The following EBPL variants were observed in gnomAD, a reference collection of about 807,000 sequenced individuals.
EBPL encodes emopamil-binding protein-like.
A neutral mutation model predicts 19.0 loss-of-function variants in EBPL; 20 were observed. The ratio of observed to expected loss-of-function variants is 1.05; its 90% CI spans 0.74 to 1.53. EBPL has a LOEUF of 1.53. Ranked by LOEUF, EBPL falls within the 40% of genes most tolerant of loss-of-function variation. The pLI, the probability that EBPL is intolerant of heterozygous loss-of-function variation, is 0.00. For synonymous variants in EBPL, 107 were observed against 117.0 expected (o/e 0.91, Z 0.55); for missense variants, 219 against 261.1 (o/e 0.84, Z 1.11).
At chr13:49,665,683 G>A (rs1965215636) in intron 2 of EBPL, among the ~76,000 whole-genome samples, 1 of 151,688 alleles carries the variant, frequency 6.6e-6, no homozygotes, top group South Asian at 2.1e-4. Context: ...GGGATTACAG[G>A]CGTGGGCCAC....
chr13:49,675,435 T>A lies in EBPL; in HGVS notation c.172-5589A>T, dbSNP rs1170945443. Among the ~76,000 whole-genome samples the A allele has an allele frequency of 2.0e-5, 3 of 152,266 alleles. No homozygotes were observed. The East Asian group carries it at 5.8e-4, about 29-fold the overall frequency. On this transcript the variant is annotated intron_variant, in intron 1 of 3. Coordinates refer to ENST00000242827, the MANE Select transcript of EBPL (RefSeq NM_032565.5). Reference sequence around the variant, plus strand: ...TATTGACTGAAATGTCCTTATGCAGTGATGACTGTATTTGTCCTTTCATGT... The same window carrying A: ...TATTGACTGAAATGTCCTTATGCAGAGATGACTGTATTTGTCCTTTCATGT...
intron 1 of EBPL, among the ~76,000 whole-genome samples, chr13:49,678,046 G>GT (rs879789605): frequency 3.2e-4 from 49 of 152,304 alleles, no homozygotes; most frequent in South Asian, 1.0e-3. Flanking sequence ...GGTTGCCGGG[G>GT]CTGGCTTGGG....
At chr13:49,691,168 A>C in intron 1 of EBPL, 86 bp downstream of exon 1, 2 of 1,173,368 alleles carry the variant, frequency 1.7e-6, no homozygotes, top group Non-Finnish European at 2.1e-6. Flanking sequence ...CGCTGCAAAA[A>C]GCCGCAGGAC....
At chr13:49,688,001 A>G (rs1247625663) in intron 1 of EBPL, among the ~76,000 whole-genome samples, 3 of 152,196 alleles carry the variant, frequency 2.0e-5, no homozygotes, top group Admixed American at 6.5e-5. Flanking sequence ...CTTCTTATGT[A>G]AACCCTGTGC....
At chr13:49,669,655 C>T (rs1219320039) in intron 2 of EBPL, 122 bp downstream of exon 2, 11 of 846,266 alleles carry the variant, frequency 1.3e-5, no homozygotes, top group Non-Finnish European at 2.1e-5. Context: ...TCTCTACAGA[C>T]TCACCTATTC....
chr13:49,667,137 C>G (rs1209016807), intron 2 of EBPL, among the ~76,000 whole-genome samples: 1 of 152,118 alleles, frequency 6.6e-6, no homozygotes, highest in Admixed American at 6.5e-5. Flanking sequence ...ATCCACCAGT[C>G]CCAGCGCATC....
chr13:49,661,758 A>C (rs1307875227), intron 3 of EBPL: 1 of 1,486,018 alleles, frequency 6.7e-7, no homozygotes. Flanking sequence ...CCAAGGAAAA[A>C]TTTAATTTTT....
chr13:49,661,492 A>T (rs1310031114), intron 3 of EBPL, among the ~76,000 whole-genome samples: 2 of 152,176 alleles, frequency 1.3e-5, no homozygotes, highest in Non-Finnish European at 2.9e-5. Context: ...AAATTTGGTG[A>T]GATCACACCT....
chr13:49,668,348 C>T (rs996160763), intron 2 of EBPL: 7 of 219,580 alleles, frequency 3.2e-5, no homozygotes, highest in Non-Finnish European at 5.6e-5. Context: ...CCGAGGTGGG[C>T]AGATCACGAG....
chr13:49,666,729 A>C lies in EBPL; in HGVS notation c.241+3048T>G, dbSNP rs1478647255. ...TCCGTCTCAAAAAAAAAAAAAAAAA[A>C]AAAAACAAAAATTAGCTGGGCGTGG... is the stretch of plus-strand genomic sequence containing the variant. On this transcript the variant is annotated intron_variant, in intron 2 of 3. Transcript: ENST00000242827. Among the ~76,000 whole-genome samples the C allele has an allele frequency of 1.0e-3, 153 of 150,572 alleles. 1 individual carries two copies. The highest frequency in any genetic ancestry group is 3.4e-3 in the Middle Eastern group (1 of 292).
At chr13:49,683,763 G>T (rs1953968519) in intron 1 of EBPL, among the ~76,000 whole-genome samples, 1 of 152,152 alleles carries the variant, frequency 6.6e-6, no homozygotes, top group Non-Finnish European at 1.5e-5. Flanking sequence ...TAGTGGGAAT[G>T]CACAACAGTA....
Position 49,691,413 on chromosome 13 carries a change from C to G in EBPL, c.12G>C (p.Glu4Asp). Residue 4 changes from glutamate to aspartate, a missense_variant, in exon 1 of 4, where the codon GAG becomes GAC. This residue lies in a region of EBPL where 170 missense variants were observed against 167.0 expected (regional missense o/e 1.02). Coordinates refer to ENST00000242827, the MANE Select transcript of EBPL (RefSeq NM_032565.5). MGAEWELGAEAGGS... is the reference protein window; with the variant it reads MGADWELGAEAGGS... ...CGCCAGCCTCGGCCCCCAGCTCCCACTCAGCGCCCATGCTTCAGGCTTCCG... is the reference window on the plus strand; with the variant it reads ...CGCCAGCCTCGGCCCCCAGCTCCCAGTCAGCGCCCATGCTTCAGGCTTCCG... 1 of 1,345,806 alleles carries G rather than the reference C, an allele frequency of 7.4e-7. No homozygotes were observed. Among genetic ancestry groups the G allele is most frequent in the Admixed American group, 3.0e-5 (1 of 32,818 alleles). The allele number at this position is 1,345,806 out of a possible 1,614,324, so 83.4% of individuals were successfully genotyped here. A position where few individuals can be genotyped will look rare whatever the true frequency, so the allele number is the denominator to read the frequency against.
intron 2 of EBPL, among the ~76,000 whole-genome samples, chr13:49,663,448 C>T (rs145669887): frequency 1.2e-3 from 177 of 152,290 alleles, no homozygotes; most frequent in African/African-American, 4.1e-3. Flanking sequence ...TTCACATACA[C>T]GCCCTCCTCA....
At position 49,661,021 on chromosome 13, in the gene EBPL, C is replaced by A. The variant is rs764272651; in HGVS notation, c.568G>T (p.Glu190Ter). ...PGLLLWQSWL[E>*]LKKMHQKETS... ...TCTTTCTGATGCATTTTCTTGAGTT[C>A]TAGCCATGACTGCCACAGTAGCAGT... The change falls in exon 4 of 4, where the codon GAA (glutamate) becomes TAA (stop). Residue 190 changes from glutamate (E) to a stop codon, truncating the protein, a stop_gained. Coordinates refer to ENST00000242827, the MANE Select transcript of EBPL (RefSeq NM_032565.5). LOFTEE classifies it high-confidence loss of function. 1 of 1,613,334 alleles carries A rather than the reference C, an allele frequency of 6.2e-7. No homozygotes were observed. The highest frequency in any genetic ancestry group is 1.3e-5 in the African/African-American group (1 of 74,892).
rs751490657 is a variant in EBPL, at chr13:49,663,066, TTTTC to T, written c.367_370del (p.Glu123AsnfsTer21). On this transcript the variant is annotated frameshift_variant, in exon 3 of 4. Coordinates refer to ENST00000242827, the MANE Select transcript of EBPL (RefSeq NM_032565.5). LOFTEE classifies it high-confidence loss of function. The stretch of plus-strand genomic sequence containing the variant: ...GAAGAAGGGCACCTACCGGTAATAT[TTTTC>T]TTTGACTATGGCATAAATGAGGAAC... The T allele has an allele frequency of 6.8e-6, 11 of 1,613,966 alleles. No individual in the cohort carries two copies. Among genetic ancestry groups the T allele is most frequent in the African/African-American group, 1.3e-5 (1 of 75,024 alleles).
At chr13:49,678,450 G>A (rs1399719814) in intron 1 of EBPL, among the ~76,000 whole-genome samples, 1 of 152,238 alleles carries the variant, frequency 6.6e-6, no homozygotes, top group African/African-American at 2.4e-5. Flanking sequence ...TCCGAGCCCT[G>A]CCCCGTGGGG....
chr13:49,663,678 C>T (rs1423976958), intron 2 of EBPL, among the ~76,000 whole-genome samples: 1 of 152,148 alleles, frequency 6.6e-6, no homozygotes, highest in Non-Finnish European at 1.5e-5. Context: ...TGGCTCACAC[C>T]TGTAATCCCA....
intron 1 of EBPL, among the ~76,000 whole-genome samples, chr13:49,678,185 A>G (rs1260227323): frequency 6.6e-6 from 1 of 152,204 alleles, no homozygotes; most frequent in Non-Finnish European, 1.5e-5. Context: ...CTAGACACAG[A>G]ATGCTGATTA....
chr13:49,686,609 T>C, intron 1 of EBPL: 1 of 1,288,942 alleles, frequency 7.8e-7, no homozygotes, highest in African/African-American at 1.5e-5. Flanking sequence ...GGATAGATAT[T>C]TTAAAAGATT....
Sources: gnomAD v4.1 joint callset for allele counts (sites outside exome capture counted in the v4.1 genomes callset) on GRCh38, gnomAD v4.1.1 for gene constraint, gnomAD v4.1.1 regional missense constraint, MANE v1.5 for transcripts, NCBI Gene and HGNC (gene_info 2026-07-23, HGNC 2026-07-21) for gene names.